PEAK1: variants seen among roughly 807,000 people sequenced by gnomAD.
PEAK1 encodes the protein inactive tyrosine-protein kinase PEAK1.
PEAK1 carries 54 observed loss-of-function variants against 124.7 expected under a neutral mutation model. That is an observed-to-expected ratio of 0.43 (90% CI 0.35 to 0.54). PEAK1 has a LOEUF of 0.54. PEAK1 is among the 20% of genes least tolerant of loss of function. The pLI, the probability that PEAK1 is intolerant of heterozygous loss-of-function variation, is 0.01. For synonymous variants in PEAK1, 719 were observed against 760.0 expected (o/e 0.95, Z 0.89); for missense variants, 2,046 against 2,134.5 (o/e 0.96, Z 0.82).
intron 6 of PEAK1, among the ~76,000 whole-genome samples, chr15:77,200,098 C>T (rs1451569796): frequency 1.3e-5 from 2 of 152,222 alleles, no homozygotes; most frequent in Non-Finnish European, 2.9e-5. Context: ...TCTTCTGCCT[C>T]TGTCACCCTT....
rs2065223314 is a variant in PEAK1, at chr15:77,321,593, C to T, written c.-602-35089G>A. ...ATGAGTAGATTGCAAAAATTTTCTC[C>T]CATTCTGTAGGTTGCCTGTTCACTC... On this transcript the variant is annotated intron_variant, in intron 2 of 9. Coordinates refer to ENST00000682557, the MANE Select transcript of PEAK1 (RefSeq NM_001385026.1). Among the ~76,000 whole-genome samples the T allele has an allele frequency of 2.6e-5, 4 of 152,038 alleles. No homozygotes were observed. The South Asian group carries it at 6.2e-4, about 24-fold the overall frequency.
At chr15:77,338,640 A>ATAT (rs1285824274) in intron 2 of PEAK1, among the ~76,000 whole-genome samples, 3 of 142,580 alleles carry the variant, frequency 2.1e-5, no homozygotes, top group South Asian at 2.1e-4. Context: ...TCTTTAAAAA[A>ATAT]AAAAATATAT....
intron 2 of PEAK1, among the ~76,000 whole-genome samples, chr15:77,351,310 G>A (rs1320733989): frequency 6.6e-6 from 1 of 152,184 alleles, no homozygotes; most frequent in African/African-American, 2.4e-5. Context: ...GCAAAGTTGG[G>A]AGGGCAGAAA....
intron 2 of PEAK1, among the ~76,000 whole-genome samples, chr15:77,351,134 T>C (rs570830893): frequency 2.8e-4 from 43 of 152,186 alleles, no homozygotes; most frequent in Admixed American, 5.2e-4. Context: ...CAAACCACTA[T>C]GGAAATACAC....
chr15:77,320,406 G>A (rs1350781154), intron 2 of PEAK1, among the ~76,000 whole-genome samples: 1 of 152,064 alleles, frequency 6.6e-6, no homozygotes, highest in Non-Finnish European at 1.5e-5. Flanking sequence ...GTAGACCCTG[G>A]GGAAAAGTTT....
intron 6 of PEAK1, among the ~76,000 whole-genome samples, chr15:77,251,581 C>T (rs1031998679): frequency 6.6e-6 from 1 of 152,132 alleles, no homozygotes; most frequent in Non-Finnish European, 1.5e-5. Context: ...ATAGGAACTA[C>T]TACCTATGTT....
rs2066855049 is a variant in PEAK1 at position 77,346,014 on chromosome 15, G to A, written c.-603+19149C>T. ...AAATTAATACCTGGGGAAATGAAAT[G>A]GAAAAGAAATCAAGTAGTATTCATT... is the stretch of plus-strand genomic sequence containing the variant. On this transcript the variant is annotated intron_variant, in intron 2 of 9. Coordinates refer to ENST00000682557, the MANE Select transcript of PEAK1 (RefSeq NM_001385026.1). The A allele has an allele frequency of 4.1e-6, 4 of 985,248 alleles. No individual in the cohort carries two copies. In the South Asian group the frequency reaches 1.4e-4, roughly 35 times the overall value. The allele number at this position is 985,248 out of a possible 1,614,324, so 61.0% of individuals were successfully genotyped here.
At chr15:77,119,187 A>G (rs1030119113) in intron 9 of PEAK1, among the ~76,000 whole-genome samples, 1 of 152,220 alleles carries the variant, frequency 6.6e-6, no homozygotes, top group African/African-American at 2.4e-5. Flanking sequence ...AGAGAAGCCC[A>G]TCCTGGGCAC....
At chr15:77,243,316 T>C (rs904550007) in intron 6 of PEAK1, among the ~76,000 whole-genome samples, 1 of 152,210 alleles carries the variant, frequency 6.6e-6, no homozygotes, top group Non-Finnish European at 1.5e-5. Flanking sequence ...ATTTGACAAA[T>C]ACAGAGATAT....
intron 2 of PEAK1, chr15:77,349,634 ACT>A (rs1174075522): frequency 2.0e-6 from 2 of 984,704 alleles, no homozygotes; most frequent in African/African-American, 3.5e-5. Context: ...ATCATTAATG[ACT>A]CTAATATTCA....
chr15:77,325,639 C>G (rs1258521211), intron 2 of PEAK1, among the ~76,000 whole-genome samples: 1 of 151,900 alleles, frequency 6.6e-6, no homozygotes, highest in Non-Finnish European at 1.5e-5. Context: ...TAAGTGCTAC[C>G]TTTCTATTTT....
intron 2 of PEAK1, chr15:77,345,925 CA>C: frequency 2.0e-6 from 2 of 984,910 alleles, no homozygotes; most frequent in Non-Finnish European, 2.4e-6. Context: ...CCTACACATA[CA>C]TATTAATTAT....
At chr15:77,306,274 G>A (rs1414414597) in intron 2 of PEAK1, among the ~76,000 whole-genome samples, 2 of 151,810 alleles carry the variant, frequency 1.3e-5, no homozygotes, top group Non-Finnish European at 2.9e-5. Flanking sequence ...GAGTTTAAAG[G>A]ACTCAGTAAG....
downstream of PEAK1, chr15:77,104,712 T>A (rs1249669446): frequency 6.6e-6 from 1 of 152,124 alleles, no homozygotes; most frequent in Non-Finnish European, 1.5e-5. Context: ...GGACTGTCCC[T>A]CACTCCAGGA....
intron 2 of PEAK1, among the ~76,000 whole-genome samples, chr15:77,357,249 G>A (rs1414109517): frequency 1.3e-5 from 2 of 152,206 alleles, no homozygotes; most frequent in African/African-American, 2.4e-5. Flanking sequence ...CAGCCTGAGT[G>A]ACAGAGTAAG....
At chr15:77,414,658 T>C (rs979107259) in intron 1 of PEAK1, among the ~76,000 whole-genome samples, 21 of 152,328 alleles carry the variant, frequency 1.4e-4, no homozygotes, top group Middle Eastern at 3.4e-3. Flanking sequence ...AGTTTCTTCA[T>C]CTGAAGGAGA....
chr15:77,315,809 C>T (rs1255708344), intron 2 of PEAK1, among the ~76,000 whole-genome samples: 1 of 151,712 alleles, frequency 6.6e-6, no homozygotes, highest in Admixed American at 6.6e-5. Context: ...TAAAGATTAT[C>T]AGAGAAATCA....
At chr15:77,126,090 A>T (rs2052350982) in intron 9 of PEAK1, among the ~76,000 whole-genome samples, 2 of 152,232 alleles carry the variant, frequency 1.3e-5, no homozygotes, top group Admixed American at 6.5e-5. Context: ...TTAATTGAAA[A>T]GACATTAGGA....
chr15:77,417,303 T>G, intron 1 of PEAK1: 4 of 961,164 alleles, frequency 4.2e-6, no homozygotes, highest in Non-Finnish European at 5.0e-6. Context: ...CTCAAACATT[T>G]GTCAAACAAA....
Sources: gnomAD v4.1 joint callset for allele counts (sites outside exome capture counted in the v4.1 genomes callset) on GRCh38, gnomAD v4.1.1 for gene constraint, MANE v1.5 for transcripts, NCBI Gene and HGNC (gene_info 2026-07-23, HGNC 2026-07-21) for gene names.